Variants in CSMD2 observed in about 807,000 individuals in gnomAD.
The protein encoded by CSMD2 is CUB and sushi domain-containing protein 2.
CSMD2 carries 130 observed loss-of-function variants against 398.5 expected under a neutral mutation model. That is an observed-to-expected ratio of 0.33 (90% CI 0.28 to 0.38). The LOEUF (loss-of-function observed/expected upper bound fraction) is 0.38. CSMD2 is among the 10% of genes least tolerant of loss of function. The probability of loss-of-function intolerance (pLI) is 1.00; values close to 1 mark genes in which losing one functional copy is unlikely to be tolerated. For missense variants in CSMD2, 3,829 were observed against 4,764.9 expected (o/e 0.80, Z 5.78); for synonymous variants, 1,828 against 1,908.5 (o/e 0.96, Z 1.10).
At chr1:33,813,690 A>C (rs1282733969) in intron 9 of CSMD2, among the ~76,000 whole-genome samples, 2 of 152,024 alleles carry the variant, frequency 1.3e-5, no homozygotes, top group Non-Finnish European at 2.9e-5. Context: ...CTGACACTGA[A>C]ACAACTTGGT....
Position 33,972,681 on chromosome 1 carries a change from C to T in CSMD2, c.518-36727G>A, listed in dbSNP as rs552506657. On this transcript the variant is annotated intron_variant, in intron 3 of 70. Transcript: ENST00000373381. ...GAAGGAAACATATTCTCCCCTAGAGCCTCCAGAAGGAATCGGCCCTGCCAA... is the reference window on the plus strand; with the variant it reads ...GAAGGAAACATATTCTCCCCTAGAGTCTCCAGAAGGAATCGGCCCTGCCAA... 4.5e-4 allele frequency among the ~76,000 whole-genome samples: 69 copies of T among 152,276 alleles called. 1 individual carries two copies. The Middle Eastern group carries it at 0.02, about 45-fold the overall frequency.
intron 3 of CSMD2, among the ~76,000 whole-genome samples, chr1:33,951,390 C>T (rs1324132000): frequency 2.6e-5 from 4 of 152,314 alleles, no homozygotes; most frequent in Admixed American, 2.6e-4. Flanking sequence ...ATTATGCTTA[C>T]ACTCTACAAA....
In CSMD2 at chr1:33,858,359, T is replaced by G. The variant is rs546461832; in HGVS notation, c.921-11363A>C. Among the ~76,000 whole-genome samples, 4 of 152,314 alleles carry G rather than the reference T, an allele frequency of 2.6e-5. No homozygotes were observed. In the East Asian group the frequency reaches 7.7e-4, roughly 29 times the overall value. ...TCCTTCTTCCCTCCTCCTGCAATAC[T>G]TGGCCTTGTTCCTTCCCAGTTGCTT... On this transcript the variant is annotated intron_variant, in intron 5 of 70. Coordinates refer to ENST00000373381, the MANE Select transcript of CSMD2 (RefSeq NM_001281956.2).
chr1:34,070,206 G>T (rs1465236711), intron 2 of CSMD2, among the ~76,000 whole-genome samples: 3 of 152,254 alleles, frequency 2.0e-5, no homozygotes, highest in African/African-American at 7.2e-5. Flanking sequence ...GTGCAGTGGA[G>T]AAAAGACAGC....
At chr1:33,609,945 C>A (rs961585364) in intron 41 of CSMD2, among the ~76,000 whole-genome samples, 7 of 152,148 alleles carry the variant, frequency 4.6e-5, no homozygotes, top group African/African-American at 1.4e-4. Flanking sequence ...CATTTGGTGG[C>A]CCACCCTCCT....
chr1:33,549,699 G>C (rs572676594), intron 56 of CSMD2, among the ~76,000 whole-genome samples: 2 of 152,184 alleles, frequency 1.3e-5, no homozygotes, highest in African/African-American at 4.8e-5. Context: ...TTGAGGGGCA[G>C]TGATAAGAAA....
intron 1 of CSMD2, among the ~76,000 whole-genome samples, chr1:34,107,310 C>G (rs1267749013): frequency 6.6e-6 from 1 of 152,146 alleles, no homozygotes; most frequent in African/African-American, 2.4e-5. Flanking sequence ...GTATTAAGCA[C>G]CCACTGTGTC....
chr1:33,774,638 G>C (rs1185298324), intron 12 of CSMD2, among the ~76,000 whole-genome samples: 2 of 152,182 alleles, frequency 1.3e-5, no homozygotes, highest in Non-Finnish European at 2.9e-5. Context: ...GCAGAACCCA[G>C]ATATAAGGTT....
intron 60 of CSMD2, among the ~76,000 whole-genome samples, chr1:33,538,501 T>A (rs1656018544): frequency 6.6e-6 from 1 of 152,338 alleles, no homozygotes; most frequent in African/African-American, 2.4e-5. Context: ...TCTGTGTGTA[T>A]GTGTATATGG....
chr1:33,957,460 C>T (rs1394612016), intron 3 of CSMD2, among the ~76,000 whole-genome samples: 3 of 152,102 alleles, frequency 2.0e-5, no homozygotes, highest in African/African-American at 7.2e-5. Context: ...GGCTAGACCT[C>T]GCTTTAAGAT....
At chr1:34,111,827 G>A (rs1222983488) in intron 1 of CSMD2, among the ~76,000 whole-genome samples, 1 of 152,118 alleles carries the variant, frequency 6.6e-6, no homozygotes, top group East Asian at 1.9e-4. Context: ...GCCAGACACA[G>A]CATGAAGGCC....
At chr1:34,078,133 C>G (rs1656651135) in intron 2 of CSMD2, among the ~76,000 whole-genome samples, 1 of 151,772 alleles carries the variant, frequency 6.6e-6, no homozygotes, top group African/African-American at 2.4e-5. Context: ...CCACTGTGCC[C>G]AGCTCATTAA....
At chr1:33,553,852 A>C (rs2148639441) in intron 55 of CSMD2, among the ~76,000 whole-genome samples, 1 of 152,264 alleles carries the variant, frequency 6.6e-6, no homozygotes, top group African/African-American at 2.4e-5. Context: ...CGTCCTTGGC[A>C]TCCACCTACC....
At chr1:33,810,696 A>G (rs755746560) in intron 10 of CSMD2, 47 bp downstream of exon 10, 5 of 1,601,370 alleles carry the variant, frequency 3.1e-6, no homozygotes, top group Non-Finnish European at 3.4e-6. Context: ...ACTGTCCCCA[A>G]CCTAGCCCTG....
chr1:33,753,172 A>G (rs1648495840), intron 13 of CSMD2, among the ~76,000 whole-genome samples: 1 of 152,252 alleles, frequency 6.6e-6, no homozygotes, highest in African/African-American at 2.4e-5. Context: ...ACTGAAAGGG[A>G]GCCAAGTGCT....
At chr1:33,790,805 C>CTATCTATCTATG (rs1654193161) in intron 11 of CSMD2, among the ~76,000 whole-genome samples, 1 of 87,292 alleles carries the variant, frequency 1.1e-5, no homozygotes. Context: ...TCTCTAATAT[C>CTATCTATCTATG]TATCTATCTA....
At chr1:34,043,073 G>A (rs546502572) in intron 2 of CSMD2, among the ~76,000 whole-genome samples, 4 of 152,110 alleles carry the variant, frequency 2.6e-5, no homozygotes, top group Non-Finnish European at 2.9e-5. Context: ...ACAGGTGCCC[G>A]CCACCACGCC....
intron 24 of CSMD2, among the ~76,000 whole-genome samples, chr1:33,695,044 G>A (rs2149104017): frequency 6.6e-6 from 1 of 152,318 alleles, no homozygotes. Flanking sequence ...GCGAGGGTCA[G>A]GGAGGGTGCT....
chr1:33,937,272 C>A (rs1644509601), intron 3 of CSMD2, among the ~76,000 whole-genome samples: 2 of 152,218 alleles, frequency 1.3e-5, no homozygotes, highest in East Asian at 2.0e-4. Flanking sequence ...GGTAGGGAAC[C>A]AAACCCAGCT....
Sources: gnomAD v4.1 joint callset for allele counts (sites outside exome capture counted in the v4.1 genomes callset) on GRCh38, gnomAD v4.1.1 for gene constraint, MANE v1.5 for transcripts, NCBI Gene and HGNC (gene_info 2026-07-23, HGNC 2026-07-21) for gene names.